The following PDCD5 variants were observed in gnomAD, a reference collection of about 807,000 sequenced individuals.
PDCD5 encodes the protein programmed cell death protein 5.
In PDCD5, 23 loss-of-function variants were observed where a neutral mutation model predicts 21.9. The ratio of observed to expected loss-of-function variants is 1.05; its 90% CI spans 0.76 to 1.49. The LOEUF (loss-of-function observed/expected upper bound fraction) is 1.49. PDCD5 is among the 40% of genes most tolerant of loss of function. PDCD5 has a pLI of 0.00. For missense variants in PDCD5, 152 were observed against 147.7 expected, an observed-to-expected ratio of 1.03 and a Z score of -0.15; for synonymous variants, 45 against 49.4, an observed-to-expected ratio of 0.91 and a Z score of 0.37.
At chr19:32,586,480 C>T in intron 4 of PDCD5, 1 of 1,102,114 alleles carries the variant, frequency 9.1e-7, no homozygotes, top group South Asian at 3.0e-5. Flanking sequence ...TGTGACTTAC[C>T]TCCTTCAAGG....
Position 32,586,918 on chromosome 19 carries a change from A to G in PDCD5, c.319A>G (p.Thr107Ala), listed in dbSNP as rs1275956683. Reference sequence around the variant, plus strand: ...AGTAAGCCAACAAACAGAAAAGACAACAACAGTGAAAGTAAGTGTCCCCAG... The same window carrying G: ...AGTAAGCCAACAAACAGAAAAGACAGCAACAGTGAAAGTAAGTGTCCCCAG... ...KKVSQQTEKT[T>A]TVKFNRRKVM... The change falls in exon 5 of 6, where the codon ACA becomes GCA. Residue 107 changes from threonine to alanine, a missense_variant. Transcript: ENST00000590247. The G allele has an allele frequency of 1.9e-6, 3 of 1,611,414 alleles. No homozygotes were observed. Among genetic ancestry groups the G allele is most frequent in the East Asian group, 2.2e-5 (1 of 44,866 alleles).
chr19:32,584,933 C>G lies in PDCD5; in HGVS notation c.105-17C>G. On this transcript the variant is annotated splice_polypyrimidine_tract_variant and intron_variant, in intron 2 of 5. Coordinates refer to ENST00000590247, the MANE Select transcript of PDCD5 (RefSeq NM_004708.4). ...CAGCTGTGTTTTAATTGTGTTTGAC[C>G]TATGTTTTCGTTGTAGGGAAGCAGA... 6.2e-7 allele frequency: 1 copy of G among 1,607,472 alleles called. No homozygotes were observed. Among genetic ancestry groups the G allele is most frequent in the Non-Finnish European group, 8.5e-7 (1 of 1,173,904 alleles).
chr19:32,586,690 A>G (rs576154281), intron 4 of PDCD5, 168 bp from the exon 5 acceptor site: 2 of 1,323,090 alleles, frequency 1.5e-6, no homozygotes, highest in South Asian at 4.7e-5. Flanking sequence ...TTTATTTGGA[A>G]CTTAAACCAA....
chr19:32,587,007 CAT>C, intron 5 of PDCD5, 78 bp downstream of exon 5: 1 of 1,213,630 alleles, frequency 8.2e-7, no homozygotes, highest in Non-Finnish European at 1.2e-6. Context: ...ATCTACCACA[CAT>C]ATTTTTCAGC....
At position 32,585,010 on chromosome 19, in the gene PDCD5, G is replaced by C; in HGVS notation, c.165G>C (p.Arg55Ser). ...AQVLDQSARA[R>S]LSNLALVKPE... ...TTCTGGATCAGTCGGCCCGGGCCAG[G>C]TGTAAGCATCTTTGATTTCATTTCC... Residue 55 changes from arginine (R) to serine (S), a missense_variant and splice_region_variant, in exon 3 of 6, where the codon AGG (arginine) becomes AGC (serine). Arg to Ser is a moderately radical substitution (Grantham distance 110, BLOSUM62 -1). Transcript: ENST00000590247. The C allele has an allele frequency of 6.2e-7, 1 of 1,612,442 alleles. No homozygotes were observed. Among genetic ancestry groups the C allele is most frequent in the Non-Finnish European group, 8.5e-7 (1 of 1,178,474 alleles).
At chr19:32,584,146 T>TA (rs1342714664) in intron 2 of PDCD5, among the ~76,000 whole-genome samples, 2 of 151,900 alleles carry the variant, frequency 1.3e-5, no homozygotes, top group African/African-American at 4.8e-5. Context: ...CCCCATCTCT[T>TA]AAAGTTTGTG....
At chr19:32,583,638 T>A (rs1971450457) in intron 2 of PDCD5, among the ~76,000 whole-genome samples, 1 of 152,032 alleles carries the variant, frequency 6.6e-6, no homozygotes, top group Admixed American at 6.6e-5. Flanking sequence ...TATCTTAGAA[T>A]TGATGGCATC....
In PDCD5 at chr19:32,582,312, G is replaced by T. The variant is rs564327101; in HGVS notation, c.104+80G>T. 4.8e-6 allele frequency: 6 copies of T among 1,256,664 alleles called. No homozygotes were observed. The South Asian group carries it at 7.6e-5, about 16-fold the overall frequency. The allele number at this position is 1,256,664 out of a possible 1,614,324, so 77.8% of individuals were successfully genotyped here. ...TTTGCTGTAGTTATTTTAAGCAGGT[G>T]TGTGACTCAGATTTTTTTGTTTTGC... On this transcript the variant is annotated intron_variant, in intron 2 of 5. Transcript: ENST00000590247.
intron 4 of PDCD5, chr19:32,586,318 A>T: frequency 7.5e-7 from 1 of 1,327,460 alleles, no homozygotes; most frequent in Non-Finnish European, 9.6e-7. Flanking sequence ...ATGTTGTGGC[A>T]AACCTGGCCT....
chr19:32,585,053 T>A (rs1475227410), intron 3 of PDCD5, 42 bp downstream of exon 3: 1 of 1,391,274 alleles, frequency 7.2e-7, no homozygotes, highest in Non-Finnish European at 1.0e-6. Flanking sequence ...TAGCTTGAGT[T>A]AGTTGAATGG....
At chr19:32,581,864 C>T (rs1453055342) in intron 1 of PDCD5, among the ~76,000 whole-genome samples, 3 of 152,282 alleles carry the variant, frequency 2.0e-5, no homozygotes, top group African/African-American at 7.2e-5. Context: ...ACGGAGGGCG[C>T]AGTCTTTGAG....
At chr19:32,581,657 GT>G (rs1568387039) in intron 1 of PDCD5, 2 of 255,726 alleles carry the variant, frequency 7.8e-6, no homozygotes, top group Non-Finnish European at 1.5e-5. Flanking sequence ...ACCGAATTCA[GT>G]TTTTCCGGAG....
At chr19:32,581,419 C>A in intron 1 of PDCD5, 92 bp downstream of exon 1, 1 of 862,800 alleles carries the variant, frequency 1.2e-6, no homozygotes, top group Non-Finnish European at 1.6e-6. Flanking sequence ...AGGCTCTGGG[C>A]GCCTCCCCGG....
At position 32,581,325 on chromosome 19, in the gene PDCD5, G is replaced by A; in HGVS notation, c.64G>A (p.Gly22Arg). ...QRLAELQAKH[G>R]DPGDAAQQEA... ...GCTGGCCGAGCTGCAGGCCAAACAC[G>A]GGGTGAGCGCATCAGCCCCCGCCAG... Residue 22 changes from glycine to arginine, a missense_variant and splice_region_variant, in exon 1 of 6, where the codon GGG becomes AGG. By Grantham distance (125) the Gly-to-Arg change is moderately radical (BLOSUM62 -2). Coordinates refer to ENST00000590247, the MANE Select transcript of PDCD5 (RefSeq NM_004708.4). 1 of 1,512,644 alleles carries A rather than the reference G, an allele frequency of 6.6e-7. No homozygotes were observed. The highest frequency in any genetic ancestry group is 8.8e-7 in the Non-Finnish European group (1 of 1,133,490). The allele number at this position is 1,512,644 out of a possible 1,614,324, so 93.7% of individuals were successfully genotyped here. A position where few individuals can be genotyped will look rare whatever the true frequency, so the allele number is the denominator to read the frequency against.
chr19:32,586,367 T>C, intron 4 of PDCD5: 1 of 1,229,092 alleles, frequency 8.1e-7, no homozygotes, highest in Non-Finnish European at 1.0e-6. Context: ...TGAGAAGCCG[T>C]CTGCTACCAC....
chr19:32,583,147 TCTG>T (rs1438315239), intron 2 of PDCD5, among the ~76,000 whole-genome samples: 5 of 152,238 alleles, frequency 3.3e-5, no homozygotes, highest in Non-Finnish European at 7.3e-5. Context: ...AGTTAAATTC[TCTG>T]CTTGAGGTTT....
intron 1 of PDCD5, chr19:32,581,607 G>A: frequency 3.1e-6 from 1 of 326,268 alleles, no homozygotes; most frequent in East Asian, 4.9e-5. Flanking sequence ...TGGCGGGCCT[G>A]GATCCAAGCA....
chr19:32,586,959 G>T, intron 5 of PDCD5, 30 bp downstream of exon 5: 1 of 1,496,364 alleles, frequency 6.7e-7, no homozygotes, highest in Non-Finnish European at 9.2e-7. Flanking sequence ...TGTGGCAAAT[G>T]AAAAGATGGA....
intron 2 of PDCD5, among the ~76,000 whole-genome samples, chr19:32,583,687 TGTG>T (rs1215395030): frequency 6.6e-6 from 1 of 151,490 alleles, no homozygotes; most frequent in Non-Finnish European, 1.5e-5. Flanking sequence ...GCAGGCCAGG[TGTG>T]GTGACTGAAG....
Sources: gnomAD v4.1 joint callset for allele counts (sites outside exome capture counted in the v4.1 genomes callset) on GRCh38, gnomAD v4.1.1 for gene constraint, MANE v1.5 for transcripts, NCBI Gene and HGNC (gene_info 2026-07-23, HGNC 2026-07-21) for gene names.